The following MBNL2 variants were observed in gnomAD, a reference collection of about 807,000 sequenced individuals.
MBNL2 encodes muscleblind like splicing regulator 2, also known as muscleblind-like protein 2.
MBNL2 carries 17 observed loss-of-function variants against 41.9 expected under a neutral mutation model. That is an observed-to-expected ratio of 0.41 (90% CI 0.28 to 0.61). MBNL2 has a LOEUF of 0.61. Among genes scored for constraint, MBNL2 ranks in the 20% least tolerant of loss-of-function variants. The probability of loss-of-function intolerance (pLI) is 0.35; values close to 1 mark genes in which losing one functional copy is unlikely to be tolerated. For synonymous variants in MBNL2, 195 were observed against 182.9 expected, an observed-to-expected ratio of 1.07 and a Z score of -0.53; for missense variants, 336 against 505.6, an observed-to-expected ratio of 0.66 and a Z score of 3.22.
chr13:97,207,253 T>C, the MBNL2 span, among the ~76,000 whole-genome samples: 31 of 152,234 alleles, frequency 2.0e-4, no homozygotes, highest in African/African-American at 7.0e-4. Flanking sequence ...TTATTGAACT[T>C]GTTATTCTGC....
the MBNL2 span, among the ~76,000 whole-genome samples, chr13:97,174,486 T>C: frequency 1.3e-5 from 2 of 152,116 alleles, no homozygotes; most frequent in African/African-American, 4.8e-5. Flanking sequence ...GTTTGGAAGA[T>C]AAAAAGAGGA....
chr13:97,200,004 G>A, the MBNL2 span, among the ~76,000 whole-genome samples: 2 of 152,226 alleles, frequency 1.3e-5, no homozygotes, highest in Non-Finnish European at 1.5e-5. Flanking sequence ...GGCAAATGGA[G>A]ATGAAAGCTG....
the MBNL2 span, among the ~76,000 whole-genome samples, chr13:97,205,230 A>G: frequency 2.2e-4 from 31 of 141,212 alleles, no homozygotes; most frequent in African/African-American, 6.9e-4. Context: ...TATTAAAAAT[A>G]TATATATAAA....
upstream of MBNL2, among the ~76,000 whole-genome samples, chr13:97,216,970 TATACATA>T (rs2040423376): frequency 6.7e-6 from 1 of 148,784 alleles, no homozygotes; most frequent in African/African-American, 2.4e-5. Context: ...ATATAAAATG[TATACATA>T]ATACATAATA....
chr13:97,379,172 G>A (rs187760314), intron 8 of MBNL2, among the ~76,000 whole-genome samples: 351 of 152,282 alleles, frequency 2.3e-3, no homozygotes, highest in African/African-American at 7.4e-3. Context: ...TAGTAGAAGC[G>A]AAAACTTTTT....
chr13:97,370,724 A>C (rs1356218077), intron 8 of MBNL2, among the ~76,000 whole-genome samples: 2 of 152,046 alleles, frequency 1.3e-5, no homozygotes, highest in African/African-American at 2.4e-5. Flanking sequence ...TTATTATTTC[A>C]GTGTAATAAA....
intron 1 of MBNL2, among the ~76,000 whole-genome samples, chr13:97,244,463 G>A (rs1214299165): frequency 6.6e-6 from 1 of 152,178 alleles, no homozygotes. Flanking sequence ...GAAACAAATA[G>A]AGACAAGTCA....
the MBNL2 span, among the ~76,000 whole-genome samples, chr13:97,156,862 T>C: frequency 3.3e-5 from 5 of 152,220 alleles, no homozygotes; most frequent in African/African-American, 1.2e-4. Context: ...TGGCTTAGGA[T>C]TGACTTGGTG....
intron 5 of MBNL2, among the ~76,000 whole-genome samples, chr13:97,348,480 C>A (rs1355109281): frequency 6.6e-6 from 1 of 152,118 alleles, no homozygotes; most frequent in Non-Finnish European, 1.5e-5. Flanking sequence ...TCTGGCTTAT[C>A]AGAAGTCTAT....
At position 97,346,316 on chromosome 13, in the gene MBNL2, T is replaced by C. The variant is rs1566431204; in HGVS notation, c.541-488T>C. On this transcript the variant is annotated intron_variant, in intron 4 of 8. Transcript: ENST00000679496. This position sits in a 1 kb window ranked among gnomAD's most constrained non-coding sequence, Gnocchi z 4.2. ...GGATAGATAGATGGATAATAGATAA[T>C]AGAGGGATAGATTGATAGATGATAG... 6.6e-6 allele frequency among the ~76,000 whole-genome samples: 1 copy of C among 151,738 alleles called. No individual in the cohort carries two copies. Among genetic ancestry groups the C allele is most frequent in the Non-Finnish European group, 1.5e-5 (1 of 67,912 alleles).
chr13:97,330,448 C>G (rs912835912), intron 2 of MBNL2, among the ~76,000 whole-genome samples: 2 of 152,216 alleles, frequency 1.3e-5, no homozygotes, highest in Non-Finnish European at 2.9e-5. Flanking sequence ...CCTCCCTTAT[C>G]TCTCCAGAAA....
At position 97,290,473 on chromosome 13, in the gene MBNL2, A is replaced by G. The variant is rs191143219; in HGVS notation, c.174+14064A>G. Among the ~76,000 whole-genome samples the G allele has an allele frequency of 6.9e-3, 1,051 of 151,884 alleles. 9 individuals are homozygous for G. The highest frequency in any genetic ancestry group is 0.01 in the Non-Finnish European group (699 of 67,890). On this transcript the variant is annotated intron_variant, in intron 2 of 8. Transcript: ENST00000679496. ...GGGTGGATCATGAGGTCAGGAGATC[A>G]AGACCATCCTGGCTAACAAGGTGAA...
intron 5 of MBNL2, among the ~76,000 whole-genome samples, chr13:97,355,515 C>T (rs1363200999): frequency 6.6e-6 from 1 of 152,038 alleles, no homozygotes; most frequent in Non-Finnish European, 1.5e-5. Context: ...ACCTATTGTG[C>T]TAAGCATAGA....
the MBNL2 span, among the ~76,000 whole-genome samples, chr13:97,197,826 T>G: frequency 6.6e-6 from 1 of 152,230 alleles, no homozygotes; most frequent in South Asian, 2.1e-4. Flanking sequence ...TCGCCTGATT[T>G]TTATTCTTTG....
At chr13:97,230,783 C>G (rs765189197) in intron 1 of MBNL2, among the ~76,000 whole-genome samples, 2 of 152,252 alleles carry the variant, frequency 1.3e-5, no homozygotes, top group African/African-American at 4.8e-5. Flanking sequence ...CTGCACATAG[C>G]TTTTCCTCTC....
chr13:97,320,306 C>T (rs2153039536), intron 2 of MBNL2, among the ~76,000 whole-genome samples: 1 of 149,770 alleles, frequency 6.7e-6, no homozygotes, highest in South Asian at 2.1e-4. Context: ...GTCACCCAGG[C>T]TGCAGTGCAA....
chr13:97,272,775 A>G (rs906333384), intron 1 of MBNL2, among the ~76,000 whole-genome samples: 3 of 152,250 alleles, frequency 2.0e-5, no homozygotes, highest in Non-Finnish European at 4.4e-5. Flanking sequence ...TCTACAATGC[A>G]TACGTATTTC....
chr13:97,215,472 C>A, the MBNL2 span, among the ~76,000 whole-genome samples: 1 of 152,120 alleles, frequency 6.6e-6, no homozygotes, highest in Non-Finnish European at 1.5e-5. Flanking sequence ...TATATCTTTG[C>A]AAAGCTGGGT....
the MBNL2 span, among the ~76,000 whole-genome samples, chr13:97,189,616 G>A: frequency 4.6e-5 from 7 of 152,260 alleles, no homozygotes; most frequent in East Asian, 1.4e-3. Context: ...GCACACATGA[G>A]CATATATGTA....
Sources: allele counts gnomAD v4.1 joint callset (sites outside exome capture counted in the v4.1 genomes callset), GRCh38; gene constraint gnomAD v4.1.1; non-coding constraint Gnocchi (gnomAD v3.1); transcripts MANE v1.5; gene names NCBI Gene and HGNC (gene_info 2026-07-23, HGNC 2026-07-21).